PCDHA4: variants seen among roughly 807,000 people sequenced by gnomAD.
PCDHA4 encodes protocadherin alpha-4.
In PCDHA4, 49 loss-of-function variants were observed where a neutral mutation model predicts 61.4. The ratio of observed to expected loss-of-function variants is 0.80; its 90% CI spans 0.63 to 1.01. The LOEUF is 1.01. PCDHA4 is among the 50% of genes least tolerant of loss of function. The pLI, the probability that PCDHA4 is intolerant of heterozygous loss-of-function variation, is 0.00. For missense variants in PCDHA4, 1,254 were observed against 1,235.8 expected (o/e 1.01, Z -0.22); for synonymous variants, 590 against 550.3 (o/e 1.07, Z -1.01).
intron 1 of PCDHA4, chr5:140,843,304 C>A (rs2150356889): frequency 5.6e-6 from 9 of 1,595,876 alleles, no homozygotes; most frequent in Non-Finnish European, 7.7e-6. Flanking sequence ...CGCTGACCGC[C>A]ACGGCCACGG....
chr5:140,834,793 A>G (rs1554134523), intron 1 of PCDHA4: 4 of 1,613,670 alleles, frequency 2.5e-6, no homozygotes, highest in South Asian at 2.2e-5. Flanking sequence ...CCAGCGACAC[A>G]AAGGAATCTG....
intron 1 of PCDHA4, chr5:140,875,973 T>C (rs782725100): frequency 6.2e-7 from 1 of 1,614,042 alleles, no homozygotes; most frequent in Non-Finnish European, 8.5e-7. Context: ...TAAACTCTCT[T>C]TTGACCTATG....
At chr5:140,904,164 T>A (rs1475689291) in intron 1 of PCDHA4, among the ~76,000 whole-genome samples, 2 of 152,078 alleles carry the variant, frequency 1.3e-5, no homozygotes, top group South Asian at 4.1e-4. Flanking sequence ...CAGTTTGTAG[T>A]CTTTTATTCC....
intron 1 of PCDHA4, chr5:140,816,268 T>C (rs1765873887): frequency 3.9e-5 from 6 of 152,238 alleles, no homozygotes; most frequent in Admixed American, 3.9e-4. Context: ...GACTCATTCT[T>C]CTACTTGATT....
At chr5:140,938,684 A>T (rs1554212293) in intron 1 of PCDHA4, among the ~76,000 whole-genome samples, 1 of 152,046 alleles carries the variant, frequency 6.6e-6, no homozygotes, top group African/African-American at 2.4e-5. Flanking sequence ...CATTTTCTTT[A>T]CAGTTTTTAA....
chr5:140,943,696 A>G (rs2093549628), intron 1 of PCDHA4, among the ~76,000 whole-genome samples: 1 of 152,256 alleles, frequency 6.6e-6, no homozygotes, highest in South Asian at 2.1e-4. Context: ...AGGTCAAAAT[A>G]TTGTGGAACA....
rs2150312229 is a variant in PCDHA4 at position 140,841,232 on chromosome 5, T to C, written c.2385+31660T>C. 327 of 1,468,172 alleles carry C rather than the reference T, an allele frequency of 2.2e-4. 4 individuals are homozygous for C. Among genetic ancestry groups the C allele is most frequent in the Non-Finnish European group, 2.9e-4 (317 of 1,091,800 alleles). 90.9% of individuals were successfully genotyped at this position (1,468,172 alleles called of 1,614,324 possible). Reference sequence around the variant, plus strand: ...TCTCTAAAGGCCGAACAACGGGAGATGCAGCGGAATTGGATTAAAAGACTC... The same window carrying C: ...TCTCTAAAGGCCGAACAACGGGAGACGCAGCGGAATTGGATTAAAAGACTC... On this transcript the variant is annotated intron_variant, in intron 1 of 3. Coordinates refer to ENST00000530339, the MANE Select transcript of PCDHA4 (RefSeq NM_018907.4).
At position 140,968,680 on chromosome 5, in the gene PCDHA4, C is replaced by T. The variant is rs546565550; in HGVS notation, c.2386-10269C>T. 10 of 1,614,154 alleles carry T rather than the reference C, an allele frequency of 6.2e-6. No homozygotes were observed. The South Asian group carries it at 6.6e-5, about 11-fold the overall frequency. ...TGGACCTCTTTAAGGTAGAGCTGCA[C>T]ACAGGAGAAATTAGGACTACCAGGA... On this transcript the variant is annotated intron_variant, in intron 1 of 3. Coordinates refer to ENST00000530339, the MANE Select transcript of PCDHA4 (RefSeq NM_018907.4).
chr5:140,854,555 A>G (rs2043158080), intron 1 of PCDHA4: 1 of 150,006 alleles, frequency 6.7e-6, no homozygotes, highest in Non-Finnish European at 1.5e-5. Context: ...ATTCATAAAT[A>G]TTGTTGCTCT....
At chr5:140,979,399 G>T (rs1352440599) in intron 2 of PCDHA4, among the ~76,000 whole-genome samples, 1 of 151,708 alleles carries the variant, frequency 6.6e-6, no homozygotes. Flanking sequence ...CATACATGTT[G>T]TCTACCTTGT....
intron 1 of PCDHA4, among the ~76,000 whole-genome samples, chr5:140,924,131 T>C (rs2081690578): frequency 6.6e-6 from 1 of 152,234 alleles, no homozygotes; most frequent in African/African-American, 2.4e-5. Flanking sequence ...CTTAGCAGCA[T>C]TAATTTAAAA....
In PCDHA4 at chr5:140,937,639, A is replaced by G. The variant is rs140444916; in HGVS notation, c.2386-41310A>G. On this transcript the variant is annotated intron_variant, in intron 1 of 3. Transcript: ENST00000530339. ...CTAAAAAGAAAAAGAAAGGCAGGGC[A>G]TGGTGGCTCACGCCTGTAATCCCAG... is the stretch of plus-strand genomic sequence containing the variant. 9.3e-5 allele frequency among the ~76,000 whole-genome samples: 14 copies of G among 151,094 alleles called. No individual in the cohort carries two copies. In the East Asian group the frequency reaches 1.8e-3, roughly 20 times the overall value.
intron 1 of PCDHA4, chr5:140,877,106 TG>T: frequency 6.2e-7 from 1 of 1,613,554 alleles, no homozygotes. Flanking sequence ...GTGCCGCCTC[TG>T]GGCAGCAACG....
Position 140,870,886 on chromosome 5 carries a change from G to T in PCDHA4, c.2385+61314G>T, listed in dbSNP as rs17844350. On this transcript the variant is annotated intron_variant, in intron 1 of 3. Coordinates refer to ENST00000530339, the MANE Select transcript of PCDHA4 (RefSeq NM_018907.4). ...GGGCCACGTGGTGGCGAAGGTGCGC[G>T]CAGTGGATGCGGACTCAGGCTACAA... 4,395 of 1,613,944 alleles carry T rather than the reference G, an allele frequency of 2.7e-3. 116 individuals are homozygous for T. The East Asian group carries it at 0.058, about 21-fold the overall frequency.
At position 140,824,341 on chromosome 5, in the gene PCDHA4, TAAAATAA is replaced by T. The variant is rs1352214972; in HGVS notation, c.2385+14770_2385+14776del. ...AGCTTTCTGTGATATTAAGTGTTTTTAAAATAATATTTTATATTAGCATTTGAATTTT... is the reference window on the plus strand; with the variant it reads ...AGCTTTCTGTGATATTAAGTGTTTTTTATTTTATATTAGCATTTGAATTTT... On this transcript the variant is annotated intron_variant, in intron 1 of 3. Transcript: ENST00000530339. 8.2e-6 allele frequency: 5 copies of T among 607,692 alleles called. No homozygotes were observed. In the African/African-American group the frequency reaches 9.4e-5, roughly 11 times the overall value. The allele number at this position is 607,692 out of a possible 1,614,324, so 37.6% of individuals were successfully genotyped here.
At chr5:140,902,203 C>CTTTTTTTTT (rs148688132) in intron 1 of PCDHA4, among the ~76,000 whole-genome samples, 1 of 124,460 alleles carries the variant, frequency 8.0e-6, no homozygotes. Flanking sequence ...CTCTCTCTTT[C>CTTTTTTTTT]TTTTTTTTTT....
At chr5:140,837,875 A>C (rs2150280386) in intron 1 of PCDHA4, among the ~76,000 whole-genome samples, 2,117 of 151,504 alleles carry the variant, frequency 0.014, 49 homozygotes, top group African/African-American at 0.049. Flanking sequence ...GACAGGGTGG[A>C]GTCTTGTTTC....
At position 140,842,609 on chromosome 5, in the gene PCDHA4, G is replaced by C. The variant is rs534936483; in HGVS notation, c.2385+33037G>C. The stretch of plus-strand genomic sequence containing the variant: ...TGAGTTGGTGGTAACCGCGCGGGAC[G>C]GGGGCTCGCCTTCGCTGTGGGCCAC... On this transcript the variant is annotated intron_variant, in intron 1 of 3. Coordinates refer to ENST00000530339, the MANE Select transcript of PCDHA4 (RefSeq NM_018907.4). 11 of 1,595,750 alleles carry C rather than the reference G, an allele frequency of 6.9e-6. 2 individuals are homozygous for C. Among genetic ancestry groups the C allele is most frequent in the Non-Finnish European group, 7.7e-6 (9 of 1,165,644 alleles).
chr5:140,986,114 T>A (rs1465954606), intron 3 of PCDHA4, among the ~76,000 whole-genome samples: 1 of 152,168 alleles, frequency 6.6e-6, no homozygotes, highest in Non-Finnish European at 1.5e-5. Flanking sequence ...AAGATAAAGA[T>A]GCCACACTCT....
Sources: allele counts gnomAD v4.1 joint callset (sites outside exome capture counted in the v4.1 genomes callset), GRCh38; gene constraint gnomAD v4.1.1; transcripts MANE v1.5; gene names NCBI Gene and HGNC (gene_info 2026-07-23, HGNC 2026-07-21).